The following FAM81A variants were observed in gnomAD, a reference collection of about 807,000 sequenced individuals.
FAM81A encodes family with sequence similarity 81 member A.
FAM81A carries 19 observed loss-of-function variants against 46.7 expected under a neutral mutation model. The observed-to-expected ratio is 0.41, with a 90% confidence interval of 0.28 to 0.60. The LOEUF (loss-of-function observed/expected upper bound fraction) is 0.60, where lower values mean the gene tolerates loss of function less well. FAM81A is among the 20% of genes least tolerant of loss of function. FAM81A has a pLI of 0.34. For missense variants in FAM81A, 377 were observed against 453.5 expected, an observed-to-expected ratio of 0.83 and a Z score of 1.53; for synonymous variants, 183 against 152.9, an observed-to-expected ratio of 1.20 and a Z score of -1.45.
At chr15:59,487,519 AAG>A (rs2081932563) in intron 3 of FAM81A, among the ~76,000 whole-genome samples, 2 of 151,914 alleles carry the variant, frequency 1.3e-5, no homozygotes, top group Admixed American at 1.3e-4. Flanking sequence ...TAGCTAGACT[AAG>A]AAAAAAACAG....
chr15:59,437,316 TA>T (rs1244365539), upstream of FAM81A, among the ~76,000 whole-genome samples: 51 of 151,362 alleles, frequency 3.4e-4, no homozygotes, highest in Non-Finnish European at 6.5e-4. Flanking sequence ...TAAGTACCAG[TA>T]TCTGCGAAGG....
At chr15:59,474,391 G>T (rs1452150439) in intron 3 of FAM81A, among the ~76,000 whole-genome samples, 1 of 152,180 alleles carries the variant, frequency 6.6e-6, no homozygotes, top group African/African-American at 2.4e-5. Flanking sequence ...TCTGGTGAGG[G>T]TCTTCTTGCT....
At position 59,460,447 on chromosome 15, in the gene FAM81A, G is replaced by A. The variant is rs1245193775; in HGVS notation, c.294+241G>A. On this transcript the variant is annotated intron_variant, in intron 3 of 8. Transcript: ENST00000288228. The surrounding 1 kb of genome is among the most constrained non-coding windows in gnomAD (Gnocchi z 4.4). ...ATGTTTAATCTAAATTTACCTTGCT[G>A]ATTATTAAATGATTTTATTTTGTTT... The A allele has an allele frequency of 1.7e-6, 1 of 595,676 alleles. No individual in the cohort carries two copies. The highest frequency in any genetic ancestry group is 3.0e-6 in the Non-Finnish European group (1 of 334,326). The allele number at this position is 595,676 out of a possible 1,614,324, so 36.9% of individuals were successfully genotyped here.
intron 3 of FAM81A, among the ~76,000 whole-genome samples, chr15:59,491,115 G>A (rs1406003950): frequency 1.3e-5 from 2 of 152,128 alleles, no homozygotes; most frequent in Non-Finnish European, 2.9e-5. Flanking sequence ...CTGCACTCCC[G>A]TGTTTATTGC....
At chr15:59,505,493 CAG>C (rs1368584655) in intron 4 of FAM81A, among the ~76,000 whole-genome samples, 2 of 148,650 alleles carry the variant, frequency 1.3e-5, no homozygotes, top group Non-Finnish European at 3.0e-5. Flanking sequence ...GCCTGGGTGA[CAG>C]AGTTAGACTC....
chr15:59,472,724 T>A (rs1341490783), intron 3 of FAM81A, among the ~76,000 whole-genome samples: 3 of 151,752 alleles, frequency 2.0e-5, no homozygotes, highest in African/African-American at 7.3e-5. Context: ...CTAATTATTT[T>A]ATTTTTTGTA....
chr15:59,417,774 T>TA (rs1485914724), intron 2 of FAM81A, among the ~76,000 whole-genome samples: 1 of 152,148 alleles, frequency 6.6e-6, no homozygotes, highest in Admixed American at 6.6e-5. Context: ...TTATCCCTTT[T>TA]ATTTTTTTTA....
intron 3 of FAM81A, among the ~76,000 whole-genome samples, chr15:59,478,683 G>A (rs138569036): frequency 5.9e-5 from 9 of 152,206 alleles, no homozygotes; most frequent in Admixed American, 2.6e-4. Flanking sequence ...TAGATGTGGC[G>A]TGTTGTATGC....
At chr15:59,405,551 G>A (rs559909626) in intron 2 of FAM81A, among the ~76,000 whole-genome samples, 1 of 152,238 alleles carries the variant, frequency 6.6e-6, no homozygotes, top group Admixed American at 6.5e-5. Flanking sequence ...TGATGGGGGA[G>A]GATCGCTTGA....
intron 2 of FAM81A, among the ~76,000 whole-genome samples, chr15:59,404,710 G>A (rs2081086746): frequency 6.6e-6 from 1 of 152,144 alleles, no homozygotes; most frequent in East Asian, 1.9e-4. Flanking sequence ...TCCCACCTTG[G>A]CCTCCCAAAG....
At chr15:59,412,330 G>T (rs2081124795) in intron 2 of FAM81A, among the ~76,000 whole-genome samples, 1 of 152,200 alleles carries the variant, frequency 6.6e-6, no homozygotes, top group Non-Finnish European at 1.5e-5. Flanking sequence ...GAAAAGACTT[G>T]CTGTAAAGCA....
At chr15:59,459,590 A>G (rs1389352274) in intron 2 of FAM81A, among the ~76,000 whole-genome samples, 1 of 151,994 alleles carries the variant, frequency 6.6e-6, no homozygotes, top group Non-Finnish European at 1.5e-5. Flanking sequence ...ACTGTTTCAG[A>G]GAGGGAGGAG....
At chr15:59,455,306 A>G (rs1398856280) in intron 1 of FAM81A, among the ~76,000 whole-genome samples, 5 of 152,088 alleles carry the variant, frequency 3.3e-5, no homozygotes. Flanking sequence ...AGATTGTTTA[A>G]TATATTGTTT....
intron 3 of FAM81A, among the ~76,000 whole-genome samples, chr15:59,472,946 A>T (rs1490270963): frequency 1.3e-5 from 2 of 152,192 alleles, no homozygotes; most frequent in African/African-American, 4.8e-5. Flanking sequence ...AGTCAGTTTT[A>T]TCCCAGACGC....
intron 3 of FAM81A, among the ~76,000 whole-genome samples, chr15:59,466,990 C>T (rs2141665093): frequency 6.6e-6 from 1 of 152,184 alleles, no homozygotes; most frequent in South Asian, 2.1e-4. Flanking sequence ...TTGTTTTTGT[C>T]AGGTTTGTCA....
At chr15:59,516,022 A>G (rs921312000) in intron 7 of FAM81A, among the ~76,000 whole-genome samples, 14 of 152,204 alleles carry the variant, frequency 9.2e-5, no homozygotes, top group African/African-American at 3.4e-4. Flanking sequence ...TGAATTCCAG[A>G]AAGGGAAGGA....
chr15:59,507,754 G>A (rs1230851431), intron 5 of FAM81A, among the ~76,000 whole-genome samples: 1 of 152,216 alleles, frequency 6.6e-6, no homozygotes, highest in African/African-American at 2.4e-5. Flanking sequence ...CACATAGTCT[G>A]TATGTGGGAC....
At chr15:59,496,833 A>G (rs2082039114) in intron 4 of FAM81A, among the ~76,000 whole-genome samples, 1 of 152,062 alleles carries the variant, frequency 6.6e-6, no homozygotes, top group African/African-American at 2.4e-5. Context: ...TCCTTATGAA[A>G]TTTAGGATCA....
Position 59,512,913 on chromosome 15 carries a change from G to A in FAM81A, c.651-1376G>A, listed in dbSNP as rs2082228305. On this transcript the variant is annotated intron_variant, in intron 6 of 8. Coordinates refer to ENST00000288228, the MANE Select transcript of FAM81A (RefSeq NM_152450.3). ...ATCATGAGGCTATATCTCGCTGCAA[G>A]GGATCCTGGGAAATGTGGTCTCTGG... 1.3e-5 allele frequency among the ~76,000 whole-genome samples: 2 copies of A among 152,188 alleles called. 1 individual carries two copies. Among genetic ancestry groups the A allele is most frequent in the Admixed American group, 1.3e-4 (2 of 15,286 alleles).
Sources: gnomAD v4.1 joint callset for allele counts (sites outside exome capture counted in the v4.1 genomes callset) on GRCh38, gnomAD v4.1.1 for gene constraint, Gnocchi (gnomAD v3.1) non-coding constraint, MANE v1.5 for transcripts, NCBI Gene and HGNC (gene_info 2026-07-23, HGNC 2026-07-21) for gene names.